NLGN4X: variants seen among roughly 807,000 people sequenced by gnomAD.
NLGN4X encodes the protein neuroligin-4, X-linked.
A neutral mutation model predicts 40.3 loss-of-function variants in NLGN4X; 3 were observed. The observed-to-expected ratio is 0.07, with a 90% CI of 0.03 to 0.19. The LOEUF is 0.19. NLGN4X is among the 10% of genes least tolerant of loss of function. The pLI is 1.00. For missense variants in NLGN4X, 382 were observed against 708.3 expected, an observed-to-expected ratio of 0.54 and a Z score of 5.23; for synonymous variants, 270 against 306.8, an observed-to-expected ratio of 0.88 and a Z score of 1.25.
chrX:6,135,999 T>C (rs902795422), intron 2 of NLGN4X, among the ~76,000 whole-genome samples: 7 of 112,502 alleles, frequency 6.2e-5, no homozygotes, highest in African/African-American at 2.3e-4. Flanking sequence ...TCAAAATATA[T>C]ATCCCTCCAA....
chrX:6,017,069 T>C (rs192176722), intron 3 of NLGN4X, among the ~76,000 whole-genome samples: 11 of 111,525 alleles, frequency 9.9e-5, no homozygotes, highest in Admixed American at 5.7e-4. Flanking sequence ...CTAAAGGCCA[T>C]TGAATTGCAC....
intron 3 of NLGN4X, among the ~76,000 whole-genome samples, chrX:5,969,574 C>T (rs1396212986): frequency 5.4e-5 from 6 of 111,035 alleles, no homozygotes; most frequent in South Asian, 3.8e-4. Flanking sequence ...ACACTGTTGG[C>T]GGGACTGTAA....
At chrX:5,935,549 G>A (rs1180863113) in intron 3 of NLGN4X, among the ~76,000 whole-genome samples, 1 of 112,051 alleles carries the variant, frequency 8.9e-6, no homozygotes, top group Non-Finnish European at 1.9e-5. Flanking sequence ...ACCTGAGAGT[G>A]TATATCCAAA....
chrX:6,114,960 T>C (rs2039244653), intron 2 of NLGN4X, among the ~76,000 whole-genome samples: 1 of 112,520 alleles, frequency 8.9e-6, no homozygotes, highest in Admixed American at 9.4e-5. Context: ...GTAGTCACCA[T>C]ATCTTCAATT....
chrX:6,086,392 A>G (rs926374424), intron 2 of NLGN4X, among the ~76,000 whole-genome samples: 3 of 111,972 alleles, frequency 2.7e-5, no homozygotes, highest in Non-Finnish European at 5.6e-5. Flanking sequence ...AGCAATGAAT[A>G]ATAGGAAATG....
chrX:6,093,647 T>C (rs1232020293), intron 2 of NLGN4X, among the ~76,000 whole-genome samples: 1 of 111,278 alleles, frequency 9.0e-6, no homozygotes, highest in Non-Finnish European at 1.9e-5. Flanking sequence ...ATTATAGATA[T>C]CTGTCATATG....
intron 2 of NLGN4X, among the ~76,000 whole-genome samples, chrX:6,145,214 C>T (rs982683582): frequency 9.0e-6 from 1 of 111,561 alleles, no homozygotes; most frequent in Admixed American, 9.6e-5. Flanking sequence ...ATCAAAACCC[C>T]GCCCTGGGAT....
intron 2 of NLGN4X, among the ~76,000 whole-genome samples, chrX:6,044,057 C>T (rs2037247764): frequency 9.1e-6 from 1 of 109,501 alleles, no homozygotes. Context: ...TGCTTGAACG[C>T]TGAAGTTTGA....
chrX:5,925,825 C>CATAT lies in NLGN4X; in HGVS notation c.626-16590_626-16587dup, dbSNP rs1181288808. Among the ~76,000 whole-genome samples the CATAT allele has an allele frequency of 7.9e-3, 343 of 43,304 alleles. 4 individuals carry two copies. Among genetic ancestry groups the CATAT allele is most frequent in the African/African-American group, 0.024 (188 of 7,960 alleles). 37.6% of individuals were successfully genotyped at this position (43,304 alleles called of 115,157 possible). Reference sequence around the variant, plus strand: ...ACATTCAGTTGGTAATGAATCCCACCATATATATATATATATATACATACA... The same window carrying CATAT: ...ACATTCAGTTGGTAATGAATCCCACCATATATATATATATATATATATACATACA... On this transcript the variant is annotated intron_variant, in intron 3 of 5. Transcript: ENST00000381095.
At chrX:6,197,790 G>C (rs1418694558) in intron 1 of NLGN4X, among the ~76,000 whole-genome samples, 1 of 110,644 alleles carries the variant, frequency 9.0e-6, no homozygotes. Context: ...GGGGCCGGGC[G>C]TGGTGGCTCA....
chrX:5,901,966 T>C (rs2031897078), intron 5 of NLGN4X, among the ~76,000 whole-genome samples: 1 of 109,295 alleles, frequency 9.1e-6, no homozygotes, highest in African/African-American at 3.3e-5. Flanking sequence ...TATATATTTA[T>C]ATTTCTTTAT....
At chrX:6,212,074 C>T (rs1395674853) in intron 1 of NLGN4X, among the ~76,000 whole-genome samples, 2 of 109,821 alleles carry the variant, frequency 1.8e-5, no homozygotes, top group African/African-American at 6.6e-5. Flanking sequence ...GGTGAAACAC[C>T]ATCTCTACTA....
At chrX:6,045,003 G>A (rs2037279962) in intron 2 of NLGN4X, among the ~76,000 whole-genome samples, 1 of 111,895 alleles carries the variant, frequency 8.9e-6, no homozygotes, top group Admixed American at 9.5e-5. Context: ...CGTTGGCAAA[G>A]CATACTCCAA....
intron 1 of NLGN4X, among the ~76,000 whole-genome samples, chrX:6,193,237 G>A (rs1388324131): frequency 1.8e-5 from 2 of 109,808 alleles, no homozygotes; most frequent in African/African-American, 3.3e-5. Flanking sequence ...GTGAAACCCC[G>A]TCTCTACTAA....
At chrX:5,933,218 T>C (rs2033614687) in intron 3 of NLGN4X, among the ~76,000 whole-genome samples, 1 of 111,863 alleles carries the variant, frequency 8.9e-6, no homozygotes, top group African/African-American at 3.2e-5. Flanking sequence ...TCAAAGAATA[T>C]AACTAATTTG....
intron 2 of NLGN4X, among the ~76,000 whole-genome samples, chrX:6,117,667 C>T (rs182982972): frequency 8.9e-6 from 1 of 112,345 alleles, no homozygotes; most frequent in Admixed American, 9.4e-5. Context: ...CACTCATCAG[C>T]AGCATTTAGC....
intron 3 of NLGN4X, among the ~76,000 whole-genome samples, chrX:6,003,848 G>C (rs999431814): frequency 1.1e-4 from 12 of 111,586 alleles, no homozygotes; most frequent in African/African-American, 3.9e-4. Context: ...TGGGTCTTCA[G>C]GGGTTGCGGG....
At chrX:6,053,617 T>C (rs2037547222) in intron 2 of NLGN4X, among the ~76,000 whole-genome samples, 1 of 111,828 alleles carries the variant, frequency 8.9e-6, no homozygotes, top group African/African-American at 3.3e-5. Context: ...TGGCAACCTT[T>C]CTGATTTACA....
chrX:6,145,480 T>C (rs2040026775), intron 2 of NLGN4X, among the ~76,000 whole-genome samples: 1 of 112,010 alleles, frequency 8.9e-6, no homozygotes, highest in Non-Finnish European at 1.9e-5. Context: ...GGATATCCCA[T>C]AGCCCTTCTA....
Sources: gnomAD v4.1 joint callset for allele counts (sites outside exome capture counted in the v4.1 genomes callset) on GRCh38, gnomAD v4.1.1 for gene constraint, MANE v1.5 for transcripts, NCBI Gene and HGNC (gene_info 2026-07-23, HGNC 2026-07-21) for gene names.